Variants in TFDP1 observed in about 807,000 individuals in gnomAD.
The protein encoded by TFDP1 is transcription factor Dp-1, also known as DRTF1-polypeptide 1.
A neutral mutation model predicts 48.0 loss-of-function variants in TFDP1; 6 were observed. That is an observed-to-expected ratio of 0.13 (90% CI 0.07 to 0.25). The LOEUF (loss-of-function observed/expected upper bound fraction) is 0.25, where lower values mean the gene tolerates loss of function less well. Among genes scored for constraint, TFDP1 ranks in the 10% least tolerant of loss-of-function variants. The pLI is 1.00. For synonymous variants in TFDP1, 201 were observed against 211.6 expected (o/e 0.95, Z 0.44); for missense variants, 335 against 543.0 (o/e 0.62, Z 3.81).
intron 3 of TFDP1, among the ~76,000 whole-genome samples, chr13:113,622,028 C>CT (rs1260207002): frequency 1.3e-5 from 2 of 152,218 alleles, no homozygotes; most frequent in Non-Finnish European, 2.9e-5. Flanking sequence ...CGTAAGCTGT[C>CT]TTTCTCTTTG....
At chr13:113,605,190 T>C (rs2048533872) in intron 2 of TFDP1, among the ~76,000 whole-genome samples, 1 of 152,060 alleles carries the variant, frequency 6.6e-6, no homozygotes, top group African/African-American at 2.4e-5. Flanking sequence ...GGGGGTCACC[T>C]TCCAGGAAAG....
At chr13:113,597,772 C>T (rs74427659) in intron 2 of TFDP1, among the ~76,000 whole-genome samples, 2,704 of 152,326 alleles carry the variant, frequency 0.018, 78 homozygotes, top group African/African-American at 0.061. Context: ...GCTGGAGGGA[C>T]GGCCATTGCC....
Position 113,641,377 on chromosome 13 carries a change from A to G in TFDP1, c.*1110A>G, listed in dbSNP as rs2049634185. On this transcript the variant is annotated 3_prime_UTR_variant, in exon 12 of 12. Coordinates refer to ENST00000375370, the MANE Select transcript of TFDP1 (RefSeq NM_007111.5). ...TGAAACACAAATAAACTTTTCTGTA[A>G]TATTTTATGGTATATAAAGAGACTT... 6.6e-6 allele frequency: 1 copy of G among 152,206 alleles called. No individual in the cohort carries two copies. Among genetic ancestry groups the G allele is most frequent in the Non-Finnish European group, 1.5e-5 (1 of 68,036 alleles). The allele number at this position is 152,206 out of a possible 1,614,324, so 9.4% of individuals were successfully genotyped here.
intron 5 of TFDP1, among the ~76,000 whole-genome samples, chr13:113,632,481 T>C (rs1295645992): frequency 1.3e-5 from 2 of 152,382 alleles, no homozygotes; most frequent in Non-Finnish European, 1.5e-5. Flanking sequence ...CCATAGTTCC[T>C]GATTCTGGCT....
In TFDP1 at chr13:113,616,064, G is replaced by A. The variant is rs569148218; in HGVS notation, c.79+5002G>A. Among the ~76,000 whole-genome samples the A allele has an allele frequency of 9.9e-5, 15 of 151,952 alleles. No homozygotes were observed. In the South Asian group the frequency reaches 1.5e-3, roughly 15 times the overall value. ...CTAAAAATATAAAAATTAGTGGGGC[G>A]CTGTGGTACACGCCTGTAATCCCAG... On this transcript the variant is annotated intron_variant, in intron 3 of 11. Transcript: ENST00000375370.
At chr13:113,619,481 C>CAAAAAAAAAAAAA (rs1162300447) in intron 3 of TFDP1, among the ~76,000 whole-genome samples, 7 of 110,250 alleles carry the variant, frequency 6.3e-5, no homozygotes, top group African/African-American at 6.5e-5. Context: ...AAAAAAAAAA[C>CAAAAAAAAAAAAA]AAAAAAAAAA....
intron 5 of TFDP1, among the ~76,000 whole-genome samples, chr13:113,632,621 C>G (rs1158256752): frequency 6.6e-6 from 1 of 152,064 alleles, no homozygotes; most frequent in East Asian, 1.9e-4. Context: ...ATTAAAAATA[C>G]AAAAAAATTA....
intron 3 of TFDP1, among the ~76,000 whole-genome samples, chr13:113,616,338 C>T (rs963175230): frequency 2.0e-5 from 3 of 152,120 alleles, no homozygotes; most frequent in South Asian, 2.1e-4. Context: ...CTTCCAGTCA[C>T]GGTTTCGGTG....
chr13:113,637,285 GT>G (rs1449269356), intron 10 of TFDP1: 1 of 268,126 alleles, frequency 3.7e-6, no homozygotes, highest in African/African-American at 2.3e-5. Context: ...TCCTTCTCTT[GT>G]TAGCCTAAAC....
chr13:113,621,495 A>G (rs1292359933), intron 3 of TFDP1, among the ~76,000 whole-genome samples: 1 of 152,242 alleles, frequency 6.6e-6, no homozygotes, highest in Non-Finnish European at 1.5e-5. Flanking sequence ...TATGAATATC[A>G]TTAATCATTA....
chr13:113,600,618 C>T (rs1347964616), intron 2 of TFDP1, among the ~76,000 whole-genome samples: 1 of 147,994 alleles, frequency 6.8e-6, no homozygotes, highest in African/African-American at 2.5e-5. Context: ...AATCCTCGCA[C>T]GTGGGGCTCC....
At chr13:113,600,780 C>T (rs1003810139) in intron 2 of TFDP1, among the ~76,000 whole-genome samples, 4 of 149,492 alleles carry the variant, frequency 2.7e-5, no homozygotes, top group Non-Finnish European at 5.9e-5. Flanking sequence ...AACCCAGGAC[C>T]GTGAGAGAGA....
At chr13:113,613,040 G>A (rs1297470810) in intron 3 of TFDP1, among the ~76,000 whole-genome samples, 1 of 152,142 alleles carries the variant, frequency 6.6e-6, no homozygotes, top group Non-Finnish European at 1.5e-5. Context: ...TTTTGGAGAT[G>A]GAGTCTCACT....
rs745535689 is a variant in TFDP1 at position 113,634,945 on chromosome 13, A to T, written c.687+343A>T. On this transcript the variant is annotated intron_variant, in intron 8 of 11. Transcript: ENST00000375370. ...TGTGTGCATGTGTGCATACATGTGTATGTGTGTATCTCTCGTCACAGCATC... is the reference window on the plus strand; with the variant it reads ...TGTGTGCATGTGTGCATACATGTGTTTGTGTGTATCTCTCGTCACAGCATC... 5.3e-5 allele frequency among the ~76,000 whole-genome samples: 8 copies of T among 152,222 alleles called. No individual in the cohort carries two copies. The South Asian group carries it at 1.7e-3, about 32-fold the overall frequency.
rs1171793961 is a variant in TFDP1 at position 113,627,370 on chromosome 13, G to A, written c.186+4084G>A. Among the ~76,000 whole-genome samples, 1 of 152,208 alleles carries A rather than the reference G, an allele frequency of 6.6e-6. No homozygotes were observed. Among genetic ancestry groups the A allele is most frequent in the African/African-American group, 2.4e-5 (1 of 41,466 alleles). On this transcript the variant is annotated intron_variant, in intron 4 of 11. Transcript: ENST00000375370. The surrounding 1 kb of genome is among the most constrained non-coding windows in gnomAD (Gnocchi z 4.1). ...TCAGCCGGCAGGAGCAGCGGCCTGT[G>A]TGAGCCCCTGGGGAGAAGCAGCCCC...
At chr13:113,635,867 C>T (rs1474729100) in intron 8 of TFDP1, 110 bp from the exon 9 acceptor site, 1 of 1,308,926 alleles carries the variant, frequency 7.6e-7, no homozygotes, top group Non-Finnish European at 1.1e-6. Flanking sequence ...GATGTCCAGG[C>T]CAACTCCTCG....
intron 4 of TFDP1, among the ~76,000 whole-genome samples, chr13:113,630,035 A>G (rs112211434): frequency 5.9e-5 from 9 of 152,274 alleles, no homozygotes; most frequent in African/African-American, 1.7e-4. Context: ...CTCCCGGAGA[A>G]TGGCATCTGC....
At position 113,633,685 on chromosome 13, in the gene TFDP1, G is replaced by A. The variant is rs951053625; in HGVS notation, c.475-205G>A. On this transcript the variant is annotated intron_variant, in intron 6 of 11. Coordinates refer to ENST00000375370, the MANE Select transcript of TFDP1 (RefSeq NM_007111.5). This position sits in a 1 kb window ranked among gnomAD's most constrained non-coding sequence, Gnocchi z 4.5. ...CTGGGCTCGACACCCGAGAGCCCCC[G>A]GCTCTCCTTCTGGAACACACTCAGG... 6.6e-6 allele frequency among the ~76,000 whole-genome samples: 1 copy of A among 152,056 alleles called. No individual in the cohort carries two copies. The highest frequency in any genetic ancestry group is 2.4e-5 in the African/African-American group (1 of 41,414).
chr13:113,619,856 T>G (rs904516665), intron 3 of TFDP1, among the ~76,000 whole-genome samples: 1 of 152,098 alleles, frequency 6.6e-6, no homozygotes, highest in Non-Finnish European at 1.5e-5. Context: ...GGAGGGGCCC[T>G]CTGTGCTTGG....
Sources: allele counts gnomAD v4.1 joint callset (sites outside exome capture counted in the v4.1 genomes callset), GRCh38; gene constraint gnomAD v4.1.1; non-coding constraint Gnocchi (gnomAD v3.1); transcripts MANE v1.5; gene names NCBI Gene and HGNC (gene_info 2026-07-23, HGNC 2026-07-21).